The following SCN8A variants were observed in gnomAD, a reference collection of about 807,000 sequenced individuals.
SCN8A encodes the protein sodium channel protein type 8 subunit alpha.
A neutral mutation model predicts 184.1 loss-of-function variants in SCN8A; 30 were observed. The ratio of observed to expected loss-of-function variants is 0.16; its 90% CI spans 0.12 to 0.22. The LOEUF is 0.22. Ranked by LOEUF, SCN8A falls within the 10% of genes least tolerant of loss-of-function variation. The pLI, the probability that SCN8A is intolerant of heterozygous loss-of-function variation, is 1.00. For synonymous variants in SCN8A, 852 were observed against 907.0 expected (o/e 0.94, Z 1.09); for missense variants, 1,057 against 2,498.9 (o/e 0.42, Z 12.30).
chr12:51,594,563 G>A (rs1939302227), intron 1 of SCN8A, among the ~76,000 whole-genome samples: 1 of 152,108 alleles, frequency 6.6e-6, no homozygotes, highest in African/African-American at 2.4e-5. Flanking sequence ...TAATTCCTAT[G>A]GATTATGTCT....
At chr12:51,698,139 C>T (rs1163803883) in intron 6 of SCN8A, among the ~76,000 whole-genome samples, 1 of 152,200 alleles carries the variant, frequency 6.6e-6, no homozygotes, top group African/African-American at 2.4e-5. Context: ...CAGGGGTGAC[C>T]TACTGCTCCC....
chr12:51,653,545 T>C (rs2138656578), intron 1 of SCN8A, among the ~76,000 whole-genome samples: 1 of 152,366 alleles, frequency 6.6e-6, no homozygotes, highest in East Asian at 1.9e-4. Context: ...ATTATGTGTA[T>C]ATTTCACATT....
At chr12:51,612,333 T>A (rs1208628201) in intron 1 of SCN8A, among the ~76,000 whole-genome samples, 1 of 152,200 alleles carries the variant, frequency 6.6e-6, no homozygotes, top group Admixed American at 6.5e-5. Context: ...GGCTAATTTT[T>A]AAAATTTTTT....
At chr12:51,672,880 A>G (rs1045162662) in intron 2 of SCN8A, among the ~76,000 whole-genome samples, 11 of 152,310 alleles carry the variant, frequency 7.2e-5, no homozygotes, top group Admixed American at 7.2e-4. Context: ...GGCTCCAGAA[A>G]CATTAACTTG....
At chr12:51,713,605 A>G (rs1941918301) in intron 11 of SCN8A, 2 of 651,216 alleles carry the variant, frequency 3.1e-6, no homozygotes, top group Non-Finnish European at 5.5e-6. Flanking sequence ...TTTTACCTCC[A>G]TTTTGAGCCT....
At chr12:51,642,468 A>G (rs942122806) in intron 1 of SCN8A, among the ~76,000 whole-genome samples, 1 of 152,206 alleles carries the variant, frequency 6.6e-6, no homozygotes, top group African/African-American at 2.4e-5. Context: ...AACTGTTTGC[A>G]ATTTGTCACT....
intron 12 of SCN8A, among the ~76,000 whole-genome samples, chr12:51,727,792 GTC>G (rs1465378365): frequency 6.6e-6 from 1 of 152,054 alleles, no homozygotes; most frequent in Non-Finnish European, 1.5e-5. Context: ...GTAAAACCCT[GTC>G]TCTACTAAAA....
intron 6 of SCN8A, among the ~76,000 whole-genome samples, chr12:51,691,004 G>A (rs1178740256): frequency 6.6e-6 from 1 of 152,118 alleles, no homozygotes; most frequent in Non-Finnish European, 1.5e-5. Context: ...AGAAAGCTCA[G>A]CTCATTCTCC....
intron 1 of SCN8A, among the ~76,000 whole-genome samples, chr12:51,647,252 T>C (rs1455102993): frequency 6.6e-6 from 1 of 152,250 alleles, no homozygotes; most frequent in East Asian, 1.9e-4. Context: ...TAGTTACTTA[T>C]GGATAATCAT....
chr12:51,686,254 T>C (rs1941417222), intron 3 of SCN8A, 114 bp from the exon 4 acceptor site: 1 of 698,946 alleles, frequency 1.4e-6, no homozygotes, highest in African/African-American at 1.8e-5. Flanking sequence ...TCTTCTGTGC[T>C]TCATCTCCTT....
At chr12:51,738,792 T>C (rs974386902) in intron 12 of SCN8A, among the ~76,000 whole-genome samples, 1 of 152,208 alleles carries the variant, frequency 6.6e-6, no homozygotes, top group African/African-American at 2.4e-5. Context: ...GTAATCCTAT[T>C]GTCCCTGCTG....
At chr12:51,768,560 C>G (rs1339571539) in intron 16 of SCN8A, among the ~76,000 whole-genome samples, 4 of 152,020 alleles carry the variant, frequency 2.6e-5, no homozygotes, top group Non-Finnish European at 5.9e-5. Context: ...AATGTCCTTC[C>G]AAAATGGATA....
chr12:51,779,332 G>A (rs1438523000), intron 20 of SCN8A, among the ~76,000 whole-genome samples: 1 of 152,096 alleles, frequency 6.6e-6, no homozygotes, highest in Non-Finnish European at 1.5e-5. Context: ...CTCAGCTCAG[G>A]CCCAGGAAGG....
intron 1 of SCN8A, among the ~76,000 whole-genome samples, chr12:51,650,649 G>C (rs1339186480): frequency 1.3e-5 from 2 of 151,912 alleles, no homozygotes; most frequent in African/African-American, 4.8e-5. Context: ...AATCTCTGCA[G>C]CACTGTGACA....
chr12:51,739,963 T>C (rs1942393039), intron 12 of SCN8A, among the ~76,000 whole-genome samples: 1 of 152,244 alleles, frequency 6.6e-6, no homozygotes, highest in Non-Finnish European at 1.5e-5. Flanking sequence ...TTAAATTAAC[T>C]AAAAGTATCC....
intron 11 of SCN8A, among the ~76,000 whole-genome samples, chr12:51,712,275 C>T (rs183205460): frequency 6.6e-6 from 1 of 152,284 alleles, no homozygotes; most frequent in Non-Finnish European, 1.5e-5. Context: ...TATGGTAGTC[C>T]TGAACAAGAA....
At chr12:51,802,298 G>C (rs1022501991) in intron 26 of SCN8A, among the ~76,000 whole-genome samples, 4 of 152,156 alleles carry the variant, frequency 2.6e-5, no homozygotes, top group Admixed American at 6.5e-5. Flanking sequence ...CAGCCTGGGT[G>C]GGGGAAGGGA....
intron 1 of SCN8A, among the ~76,000 whole-genome samples, chr12:51,620,317 A>G (rs1377238791): frequency 6.6e-6 from 1 of 152,194 alleles, no homozygotes. Context: ...TTTTACTTCA[A>G]TTAATTTCAA....
rs368538535 is a variant in SCN8A, at chr12:51,606,074, G to A, written c.-55+14715G>A. Among the ~76,000 whole-genome samples the A allele has an allele frequency of 2.7e-4, 41 of 152,136 alleles. 1 individual carries two copies. In the South Asian group the frequency reaches 8.1e-3, roughly 30 times the overall value. ...TTTACTCTGCTGACTTCCTTGTGCC[G>A]TGCAAAAGCTTTTAGTTTAATTAAG... is the stretch of plus-strand genomic sequence containing the variant. On this transcript the variant is annotated intron_variant, in intron 1 of 26. Coordinates refer to ENST00000627620, the MANE Select transcript of SCN8A (RefSeq NM_001330260.2).
Sources: gnomAD v4.1 joint callset for allele counts (sites outside exome capture counted in the v4.1 genomes callset) on GRCh38, gnomAD v4.1.1 for gene constraint, MANE v1.5 for transcripts, NCBI Gene and HGNC (gene_info 2026-07-23, HGNC 2026-07-21) for gene names.